Variants in ZNF433 observed in about 807,000 individuals in gnomAD.
ZNF433 encodes zinc finger protein 433.
Under a neutral mutation model 10.6 loss-of-function variants are expected in ZNF433, and 12 were observed. The ratio of observed to expected loss-of-function variants is 1.13; its 90% CI spans 0.72 to 1.83. ZNF433 has a LOEUF of 1.83. Ranked by LOEUF, ZNF433 falls within the 40% of genes most tolerant of loss-of-function variation. The pLI is 0.00. For missense variants in ZNF433, 737 were observed against 798.0 expected (o/e 0.92, Z 0.92); for synonymous variants, 272 against 271.3 (o/e 1.00, Z -0.02).
At chr19:12,021,564 G>T (rs764869284) in intron 1 of ZNF433, among the ~76,000 whole-genome samples, 3 of 152,076 alleles carry the variant, frequency 2.0e-5, no homozygotes, top group Admixed American at 2.0e-4. Flanking sequence ...AGCCTATTAC[G>T]TGTCGTGAGA....
intron 1 of ZNF433, chr19:12,026,845 G>C (rs1974760338): frequency 2.2e-6 from 1 of 453,834 alleles, no homozygotes; most frequent in Admixed American, 2.4e-5. Flanking sequence ...TGTTCAGCTG[G>C]TCTGAACAAA....
intron 2 of ZNF433, 60 bp downstream of exon 2, chr19:12,018,106 C>T: frequency 7.0e-7 from 1 of 1,422,358 alleles, no homozygotes; most frequent in Admixed American, 2.4e-5. Context: ...TACTTGTTCT[C>T]AGAAAAAAAA....
intron 1 of ZNF433, chr19:12,024,806 G>A (rs567336259): frequency 8.3e-4 from 126 of 152,182 alleles, no homozygotes; most frequent in African/African-American, 2.9e-3. Context: ...CTCCTTATCT[G>A]GATCAAATCG....
chr19:12,020,430 T>C (rs1266478189), intron 1 of ZNF433, among the ~76,000 whole-genome samples: 1 of 152,116 alleles, frequency 6.6e-6, no homozygotes, highest in South Asian at 2.1e-4. Context: ...GCACTTTCTC[T>C]CATGAAAAGT....
At position 12,023,014 on chromosome 19, in the gene ZNF433, A is replaced by AC. The variant is rs374231789; in HGVS notation, c.4-4723dup. Among the ~76,000 whole-genome samples, 782 of 152,128 alleles carry AC rather than the reference A, an allele frequency of 5.1e-3. 5 individuals are homozygous for AC. The highest frequency in any genetic ancestry group is 0.018 in the African/African-American group (763 of 41,466). Reference sequence around the variant, plus strand: ...GCTTGGCAGTTCCCTGTTAGGATACACCCCCCAGATCAACAGGAAAATACT... The same window carrying AC: ...GCTTGGCAGTTCCCTGTTAGGATACACCCCCCCAGATCAACAGGAAAATACT... On this transcript the variant is annotated intron_variant, in intron 1 of 3. Transcript: ENST00000550507.
chr19:12,016,070 G>T lies in ZNF433; in HGVS notation c.788C>A (p.Ser263Tyr). The T allele has an allele frequency of 6.2e-7, 1 of 1,614,058 alleles. No homozygotes were observed. Among genetic ancestry groups the T allele is most frequent in the African/African-American group, 1.3e-5 (1 of 75,006 alleles). Reference sequence around the variant, plus strand: ...TCTTTTATGAGCATGAAGGCATGTGGAACTATGGAATGCTTTCCCACATTC... The same window carrying T: ...TCTTTTATGAGCATGAAGGCATGTGTAACTATGGAATGCTTTCCCACATTC... Reference protein sequence around the residue: ...CNECGKAFHSSTCLHAHKRTH... With the variant: ...CNECGKAFHSYTCLHAHKRTH... The change falls in exon 4 of 4, where the codon TCC becomes TAC. Residue 263 changes from serine (S) to tyrosine (Y), a missense_variant. Ser to Tyr is a moderately radical substitution (Grantham distance 144, BLOSUM62 -2). Coordinates refer to ENST00000550507, the MANE Select transcript of ZNF433 (RefSeq NM_001308348.2).
intron 1 of ZNF433, chr19:12,027,848 A>G (rs34775728): frequency 6.6e-6 from 1 of 152,130 alleles, no homozygotes; most frequent in African/African-American, 2.4e-5. Flanking sequence ...ATATGTCAGG[A>G]CCAGGTATAG....
In ZNF433 at chr19:12,016,644, CAA is replaced by C. The variant is rs770328427; in HGVS notation, c.212_213del (p.Phe71Ter). On this transcript the variant is annotated frameshift_variant, in exon 4 of 4. Transcript: ENST00000550507. LOFTEE classifies it low-confidence loss of function (END_TRUNC). ...CCATGCTGATGACCTTCTTTACTTT[CAA>C]AGAGTCTCTCTCCCACAATTCTGTG... is the stretch of plus-strand genomic sequence containing the variant. ...RNLRIVGERLFESKEGHQHGE... is the reference protein window; with the variant it reads ...RNLRIVGERLXESKEGHQHGE... The C allele has an allele frequency of 2.5e-6, 4 of 1,613,830 alleles. No individual in the cohort carries two copies. Among genetic ancestry groups the C allele is most frequent in the Non-Finnish European group, 3.4e-6 (4 of 1,179,960 alleles).
intron 1 of ZNF433, among the ~76,000 whole-genome samples, chr19:12,032,428 A>G (rs1975078567): frequency 6.6e-6 from 1 of 151,984 alleles, no homozygotes; most frequent in Admixed American, 6.6e-5. Context: ...AATGTACTAC[A>G]CTGCCCGCAG....
rs767730957 is a variant in ZNF433, at chr19:12,016,383, T to G, written c.475A>C (p.Arg159=). The change falls in exon 4 of 4, where the codon AGG becomes CGG. Residue 159 remains arginine (R), a synonymous_variant. Transcript: ENST00000550507. ...NCLSSVQTHE[R]AHSGRKLYVC... is the part of the protein sequence containing the mutation. ...TAGAGTTTCCTTCCACTATGAGCCC[T>G]TTCATGTGTCTGAACAGAGGAGAGA... 1.2e-6 allele frequency: 2 copies of G among 1,614,102 alleles called. No homozygotes were observed. Among genetic ancestry groups the G allele is most frequent in the African/African-American group, 2.7e-5 (2 of 74,950 alleles).
rs199885233 is a variant in ZNF433 at position 12,016,203 on chromosome 19, C to A, written c.655G>T (p.Gly219Ter). The change falls in exon 4 of 4, where the codon GGA (glycine) becomes TGA (stop). Residue 219 changes from glycine to a stop codon, truncating the protein, a stop_gained. Transcript: ENST00000550507. LOFTEE classifies it low-confidence loss of function (END_TRUNC). ...LYLIHKRTHT[G>*]EKPYQCKQCG... ...TGTTTACATTGATATGGTTTCTCTC[C>A]AGTGTGAGTTCGTTTGTGGATAAGA... is the stretch of plus-strand genomic sequence containing the variant. The A allele has an allele frequency of 1.1e-4, 171 of 1,614,086 alleles. No individual in the cohort carries two copies. Among genetic ancestry groups the A allele is most frequent in the Non-Finnish European group, 1.4e-4 (160 of 1,180,054 alleles).
chr19:12,017,867 G>T lies in ZNF433; in HGVS notation c.191+9C>A. On this transcript the variant is annotated intron_variant, in intron 3 of 3. Coordinates refer to ENST00000550507, the MANE Select transcript of ZNF433 (RefSeq NM_001308348.2). ...AGACACACGTCTTTGTCATGTGAGT[G>T]CAAGTTACCTTAGGTTTCTCCTTAG... is the stretch of plus-strand genomic sequence containing the variant. The T allele has an allele frequency of 6.4e-7, 1 of 1,554,514 alleles. No homozygotes were observed. Among genetic ancestry groups the T allele is most frequent in the Non-Finnish European group, 8.7e-7 (1 of 1,149,168 alleles).
Position 12,015,037 on chromosome 19 carries a change from C to A in ZNF433, c.1821G>T (p.Arg607Ser), listed in dbSNP as rs1025000150. The A allele has an allele frequency of 6.2e-7, 1 of 1,613,812 alleles. No individual in the cohort carries two copies. Among genetic ancestry groups the A allele is most frequent in the African/African-American group, 1.3e-5 (1 of 74,838 alleles). ...TATACGGTTTCTCTCCAGTGTGAGTCCTTCCATGCATTTGAAGTCGCGAGG... is the reference window on the plus strand; with the variant it reads ...TATACGGTTTCTCTCCAGTGTGAGTACTTCCATGCATTTGAAGTCGCGAGG... ...GCASRLQMHG[R>S]THTGEKPYKC... Residue 607 changes from arginine to serine, a missense_variant, in exon 4 of 4, where the codon AGG (arginine) becomes AGT (serine). Transcript: ENST00000550507.
In ZNF433 at chr19:12,015,518, T is replaced by TA; in HGVS notation, c.1339dup (p.Tyr447LeufsTer4). 6.2e-7 allele frequency: 1 copy of TA among 1,614,036 alleles called. No homozygotes were observed. Among genetic ancestry groups the TA allele is most frequent in the African/African-American group, 1.3e-5 (1 of 75,004 alleles). ...TGGTTTTCCACATTCCTTACATGCA[T>TA]AGGGTTTCTCTCCCGTGTGAGTCCT... On this transcript the variant is annotated frameshift_variant, in exon 4 of 4. Coordinates refer to ENST00000550507, the MANE Select transcript of ZNF433 (RefSeq NM_001308348.2). LOFTEE classifies it low-confidence loss of function (END_TRUNC).
At chr19:12,022,122 T>C (rs1196568844) in intron 1 of ZNF433, 2 of 427,560 alleles carry the variant, frequency 4.7e-6, no homozygotes, top group African/African-American at 4.0e-5. Flanking sequence ...ATGAAGACTG[T>C]TGGTTTACCG....
chr19:12,031,920 G>GTT (rs756604087), intron 1 of ZNF433, among the ~76,000 whole-genome samples: 6 of 132,990 alleles, frequency 4.5e-5, no homozygotes, highest in Middle Eastern at 3.7e-3. Flanking sequence ...GCAAAGAACT[G>GTT]TTTTTTTTTT....
intron 1 of ZNF433, among the ~76,000 whole-genome samples, chr19:12,020,865 T>C (rs1376385883): frequency 5.3e-5 from 8 of 150,238 alleles, no homozygotes; most frequent in Non-Finnish European, 7.4e-5. Flanking sequence ...CATTGCGCCA[T>C]TGCACTCCAG....
Position 12,014,966 on chromosome 19 carries a change from C to T in ZNF433, c.1892G>A (p.Arg631Gln), listed in dbSNP as rs776723990. 2.1e-5 allele frequency: 33 copies of T among 1,609,116 alleles called. No homozygotes were observed. Among genetic ancestry groups the T allele is most frequent in the Non-Finnish European group, 2.0e-5 (24 of 1,178,278 alleles). ...TCCAGTGTGAGTCCTTCCATGCCTTCGAAGGTTTGAGGGACATCCAAAAGC... is the reference window on the plus strand; with the variant it reads ...TCCAGTGTGAGTCCTTCCATGCCTTTGAAGGTTTGAGGGACATCCAAAAGC... ...GKAFGCPSNL[R>Q]RHGRTHTGEK... Residue 631 changes from arginine (R) to glutamine (Q), a missense_variant, in exon 4 of 4, where the codon CGA becomes CAA. Arg to Gln is a conservative substitution (Grantham distance 43, BLOSUM62 1). Coordinates refer to ENST00000550507, the MANE Select transcript of ZNF433 (RefSeq NM_001308348.2).
In ZNF433 at chr19:12,014,930, T is replaced by C. The variant is rs775731433; in HGVS notation, c.1928A>G (p.Tyr643Cys). 1 of 1,614,074 alleles carries C rather than the reference T, an allele frequency of 6.2e-7. No individual in the cohort carries two copies. The highest frequency in any genetic ancestry group is 8.5e-7 in the Non-Finnish European group (1 of 1,179,976). The change falls in exon 4 of 4, where the codon TAT becomes TGT. Residue 643 changes from tyrosine (Y) to cysteine (C), a missense_variant. Physicochemically the swap from Tyr to Cys is radical, Grantham distance 194 (BLOSUM62 -2). Coordinates refer to ENST00000550507, the MANE Select transcript of ZNF433 (RefSeq NM_001308348.2). The stretch of plus-strand genomic sequence containing the variant: ...GACTTTACCACATTGGTTACATTTA[T>C]AGGGTTTCTCTCCAGTGTGAGTCCT... ...HGRTHTGEKP[Y>C]KCNQCGKVFR...
Sources: gnomAD v4.1 joint callset for allele counts (sites outside exome capture counted in the v4.1 genomes callset) on GRCh38, gnomAD v4.1.1 for gene constraint, MANE v1.5 for transcripts, NCBI Gene and HGNC (gene_info 2026-07-23, HGNC 2026-07-21) for gene names.